Variants in RASGRP1 observed in about 807,000 individuals in gnomAD.
RASGRP1 encodes the protein RAS guanyl-releasing protein 1.
In RASGRP1, 37 loss-of-function variants were observed where a neutral mutation model predicts 95.1. The ratio of observed to expected loss-of-function variants is 0.39; its 90% CI spans 0.30 to 0.51. RASGRP1 has a LOEUF of 0.51. RASGRP1 is among the 20% of genes least tolerant of loss of function. The probability of loss-of-function intolerance (pLI) is 0.80; values close to 1 mark genes in which losing one functional copy is unlikely to be tolerated. For missense variants in RASGRP1, 711 were observed against 965.4 expected, an observed-to-expected ratio of 0.74 and a Z score of 3.49; for synonymous variants, 325 against 353.4, an observed-to-expected ratio of 0.92 and a Z score of 0.90.
chr15:38,555,776 T>C (rs1257834007), intron 2 of RASGRP1, among the ~76,000 whole-genome samples: 1 of 152,174 alleles, frequency 6.6e-6, no homozygotes, highest in East Asian at 1.9e-4. Flanking sequence ...AGGAAGCATT[T>C]CCCTTCACAC....
intron 13 of RASGRP1, among the ~76,000 whole-genome samples, 166 bp from the exon 14 acceptor site, chr15:38,500,305 G>A (rs142760270): frequency 3.1e-4 from 47 of 152,020 alleles, no homozygotes; most frequent in African/African-American, 1.0e-3. Flanking sequence ...TCCATGAGAA[G>A]AGTTTATGCT....
intron 2 of RASGRP1, among the ~76,000 whole-genome samples, chr15:38,542,532 C>T (rs1246052523): frequency 6.6e-6 from 1 of 151,290 alleles, no homozygotes; most frequent in African/African-American, 2.4e-5. Context: ...TGGAGTAGAT[C>T]TACAAGCTAT....
chr15:38,525,245 G>C (rs1408946009), intron 3 of RASGRP1, among the ~76,000 whole-genome samples: 2 of 152,196 alleles, frequency 1.3e-5, no homozygotes, highest in Admixed American at 6.5e-5. Flanking sequence ...TGGGATTACA[G>C]ATGTGAGCTA....
chr15:38,502,103 C>G (rs777208299), intron 12 of RASGRP1, among the ~76,000 whole-genome samples: 2 of 152,204 alleles, frequency 1.3e-5, no homozygotes, highest in Non-Finnish European at 1.5e-5. Context: ...GATCTGCCCA[C>G]CTCGGCCTCC....
chr15:38,512,259 A>G (rs4522374), intron 7 of RASGRP1, among the ~76,000 whole-genome samples: 2,473 of 152,314 alleles, frequency 0.016, 30 homozygotes, highest in African/African-American at 0.021. Context: ...TTCCCATGCA[A>G]TGCCAGTGCC....
At chr15:38,537,906 G>A (rs956643881) in intron 2 of RASGRP1, among the ~76,000 whole-genome samples, 1 of 152,184 alleles carries the variant, frequency 6.6e-6, no homozygotes, top group Non-Finnish European at 1.5e-5. Flanking sequence ...GGTGAGTGAG[G>A]AATCTCTTAC....
intron 2 of RASGRP1, among the ~76,000 whole-genome samples, chr15:38,529,224 A>G (rs1337898509): frequency 6.6e-6 from 1 of 152,152 alleles, no homozygotes; most frequent in African/African-American, 2.4e-5. Context: ...CAAACTCCTA[A>G]AACCTATAAA....
At position 38,501,862 on chromosome 15, in the gene RASGRP1, T is replaced by TG. The variant is rs561936809; in HGVS notation, c.1538+449_1538+450insC. 7.6e-4 allele frequency among the ~76,000 whole-genome samples: 116 copies of TG among 152,108 alleles called. 2 individuals carry two copies. The highest frequency in any genetic ancestry group is 2.6e-3 in the African/African-American group (106 of 41,522). ...GAATGTTCAATTCAGTTTTTGTTTT[T>TG]TTTTTTTTTGAGACAGGTTTTTGCT... On this transcript the variant is annotated intron_variant, in intron 12 of 16. Transcript: ENST00000310803.
At chr15:38,503,492 A>C in intron 10 of RASGRP1, 116 bp from the exon 11 acceptor site, 1 of 837,932 alleles carries the variant, frequency 1.2e-6, no homozygotes, top group Non-Finnish European at 1.9e-6. Flanking sequence ...AATTATGTTC[A>C]GTGGCAAGGA....
chr15:38,535,463 C>A (rs542038433), intron 2 of RASGRP1, among the ~76,000 whole-genome samples: 1 of 152,316 alleles, frequency 6.6e-6, no homozygotes, highest in East Asian at 1.9e-4. Context: ...CTTAAACCCA[C>A]CACTTTTCAT....
Position 38,542,851 on chromosome 15 carries a change from GTA to G in RASGRP1, c.221-16449_221-16448del, listed in dbSNP as rs1301871060. On this transcript the variant is annotated intron_variant, in intron 2 of 16. Coordinates refer to ENST00000310803, the MANE Select transcript of RASGRP1 (RefSeq NM_005739.4). The stretch of plus-strand genomic sequence containing the variant: ...TATATATGTGTATATATATATATGT[GTA>G]TATATATACACATATATGTGTATAT... Among the ~76,000 whole-genome samples, 11 of 115,622 alleles carry G rather than the reference GTA, an allele frequency of 9.5e-5. 1 individual carries two copies. In the South Asian group the frequency reaches 2.0e-3, roughly 21 times the overall value. The allele number at this position is 115,622 out of a possible 152,430, so 75.9% of individuals were successfully genotyped here.
At chr15:38,499,298 CCT>C (rs1234745548) in intron 14 of RASGRP1, 3 of 385,218 alleles carry the variant, frequency 7.8e-6, no homozygotes, top group African/African-American at 6.3e-5. Flanking sequence ...TAAAAGGTTT[CCT>C]CTCTTTCACT....
intron 2 of RASGRP1, among the ~76,000 whole-genome samples, chr15:38,536,464 T>C (rs1284519139): frequency 6.6e-6 from 1 of 152,280 alleles, no homozygotes; most frequent in East Asian, 1.9e-4. Flanking sequence ...TATTAAATTC[T>C]TGGCCTTTTT....
intron 3 of RASGRP1, among the ~76,000 whole-genome samples, chr15:38,525,351 G>A (rs1207497748): frequency 1.3e-5 from 2 of 152,018 alleles, no homozygotes; most frequent in African/African-American, 4.8e-5. Context: ...TATAATCACT[G>A]GTACATGAAA....
At chr15:38,518,921 T>G (rs759568602) in intron 4 of RASGRP1, among the ~76,000 whole-genome samples, 1 of 152,116 alleles carries the variant, frequency 6.6e-6, no homozygotes, top group Non-Finnish European at 1.5e-5. Context: ...AAAATTGACA[T>G]GAAAACAAGA....
intron 1 of RASGRP1, among the ~76,000 whole-genome samples, chr15:38,560,572 G>C (rs900054169): frequency 5.9e-5 from 9 of 152,162 alleles, no homozygotes; most frequent in Non-Finnish European, 5.9e-5. Context: ...AAGGACCTTG[G>C]GGGAGAAGTC....
intron 2 of RASGRP1, among the ~76,000 whole-genome samples, chr15:38,533,425 T>C (rs892584423): frequency 5.3e-5 from 8 of 152,130 alleles, no homozygotes; most frequent in Admixed American, 1.3e-4. Flanking sequence ...TAAAACCTAT[T>C]TGTCAGCAAG....
intron 10 of RASGRP1, chr15:38,504,762 CAGT>C (rs778980222): frequency 6.6e-6 from 1 of 152,172 alleles, no homozygotes; most frequent in African/African-American, 2.4e-5. Flanking sequence ...TTTTACAGCT[CAGT>C]AGGTTTGTTT....
rs1359147315 is a variant in RASGRP1 at position 38,499,412 on chromosome 15, A to T, written c.1721-466T>A. 2.0e-5 allele frequency among the ~76,000 whole-genome samples: 3 copies of T among 152,152 alleles called. No homozygotes were observed. In the East Asian group the frequency reaches 5.8e-4, roughly 29 times the overall value. ...TCATTTATCTTCTGTTGCAGAAGAG[A>T]TTCTATCTTTTTCACTGGGGACCCA... On this transcript the variant is annotated intron_variant, in intron 14 of 16. Coordinates refer to ENST00000310803, the MANE Select transcript of RASGRP1 (RefSeq NM_005739.4).
Sources: gnomAD v4.1 joint callset for allele counts (sites outside exome capture counted in the v4.1 genomes callset) on GRCh38, gnomAD v4.1.1 for gene constraint, MANE v1.5 for transcripts, NCBI Gene and HGNC (gene_info 2026-07-23, HGNC 2026-07-21) for gene names.